PDE4B: variants seen among roughly 807,000 people sequenced by gnomAD.
PDE4B encodes the protein 3',5'-cyclic-AMP phosphodiesterase 4B.
In PDE4B, 20 loss-of-function variants were observed where a neutral mutation model predicts 82.2. The observed-to-expected ratio is 0.24, with a 90% CI of 0.17 to 0.35. The LOEUF (loss-of-function observed/expected upper bound fraction) is 0.35, where lower values mean the gene tolerates loss of function less well. Ranked by LOEUF, PDE4B falls within the 10% of genes least tolerant of loss-of-function variation. The probability of loss-of-function intolerance (pLI) is 1.00; values close to 1 mark genes in which losing one functional copy is unlikely to be tolerated. For synonymous variants in PDE4B, 320 were observed against 318.9 expected, an observed-to-expected ratio of 1.00 and a Z score of -0.04; for missense variants, 655 against 907.2, an observed-to-expected ratio of 0.72 and a Z score of 3.57.
At chr1:65,885,785 C>G (rs1426495510) in intron 1 of PDE4B, among the ~76,000 whole-genome samples, 1 of 151,520 alleles carries the variant, frequency 6.6e-6, no homozygotes. Context: ...GGGTGCAGCA[C>G]ACCAACATGG....
intron 1 of PDE4B, among the ~76,000 whole-genome samples, chr1:65,817,777 TATA>T (rs1645903657): frequency 1.3e-5 from 2 of 152,190 alleles, no homozygotes; most frequent in Admixed American, 1.3e-4. Context: ...AACAATTATG[TATA>T]ATAATTTATA....
At chr1:66,180,846 T>C (rs1275858070) in intron 3 of PDE4B, among the ~76,000 whole-genome samples, 3 of 152,194 alleles carry the variant, frequency 2.0e-5, no homozygotes, top group African/African-American at 7.2e-5. Context: ...AGAGAATGTG[T>C]GTATGTGTGT....
chr1:65,952,791 A>G (rs114963353), intron 3 of PDE4B, among the ~76,000 whole-genome samples: 1 of 152,188 alleles, frequency 6.6e-6, no homozygotes, highest in Non-Finnish European at 1.5e-5. Flanking sequence ...AAGGCTCTGC[A>G]TCTGTTAAAT....
chr1:66,009,406 C>T (rs553773679), intron 3 of PDE4B, among the ~76,000 whole-genome samples: 1 of 152,238 alleles, frequency 6.6e-6, no homozygotes, highest in East Asian at 1.9e-4. Flanking sequence ...CAATTAATTC[C>T]TCTTGTAGCT....
intron 3 of PDE4B, among the ~76,000 whole-genome samples, chr1:66,239,376 A>G (rs999065275): frequency 1.3e-5 from 2 of 152,166 alleles, no homozygotes; most frequent in Non-Finnish European, 2.9e-5. Context: ...AATCTCTTTT[A>G]GAGAACTTTT....
At chr1:66,064,636 T>C (rs965344252) in intron 3 of PDE4B, among the ~76,000 whole-genome samples, 11 of 151,910 alleles carry the variant, frequency 7.2e-5, no homozygotes, top group African/African-American at 2.7e-4. Flanking sequence ...TCAGGGCTGT[T>C]TTCCTGGACT....
intron 1 of PDE4B, among the ~76,000 whole-genome samples, chr1:65,826,014 C>T (rs570630914): frequency 9.9e-5 from 15 of 152,226 alleles, no homozygotes; most frequent in East Asian, 3.9e-4. Context: ...CTGTATTCAA[C>T]GACATGGAAG....
chr1:66,272,725 A>C (rs1655591193), intron 7 of PDE4B, among the ~76,000 whole-genome samples: 1 of 120,508 alleles, frequency 8.3e-6, no homozygotes, highest in African/African-American at 3.1e-5. Flanking sequence ...ACTTGTTATT[A>C]TTGTCCTCAT....
At chr1:66,016,572 C>T (rs1278043208) in intron 3 of PDE4B, among the ~76,000 whole-genome samples, 2 of 152,116 alleles carry the variant, frequency 1.3e-5, no homozygotes, top group African/African-American at 2.4e-5. Context: ...AATTGTCAAC[C>T]ATGATATCAA....
chr1:66,237,849 A>G lies in PDE4B; in HGVS notation c.282-9611A>G, dbSNP rs114641600. Among the ~76,000 whole-genome samples the G allele has an allele frequency of 3.8e-3, 579 of 152,338 alleles. 1 individual carries two copies. Among genetic ancestry groups the G allele is most frequent in the African/African-American group, 0.013 (528 of 41,574 alleles). On this transcript the variant is annotated intron_variant, in intron 3 of 16. Coordinates refer to ENST00000341517, the MANE Select transcript of PDE4B (RefSeq NM_002600.4). The stretch of plus-strand genomic sequence containing the variant: ...TAATCTATTGAGCAGACATTTGTTC[A>G]TAACCTGCAGTATGTCCCAGGAAAG...
At chr1:66,316,232 G>A (rs1042246567) in intron 7 of PDE4B, among the ~76,000 whole-genome samples, 1 of 152,178 alleles carries the variant, frequency 6.6e-6, no homozygotes, top group Non-Finnish European at 1.5e-5. Context: ...ACTTTGTAGT[G>A]TAATCTCTTC....
chr1:66,290,586 A>G (rs1174551628), intron 7 of PDE4B, among the ~76,000 whole-genome samples: 1 of 152,220 alleles, frequency 6.6e-6, no homozygotes, highest in East Asian at 1.9e-4. Flanking sequence ...ATGAATATAA[A>G]GTGAATCTAA....
intron 3 of PDE4B, among the ~76,000 whole-genome samples, chr1:66,213,097 C>T (rs1650192787): frequency 6.6e-6 from 1 of 152,026 alleles, no homozygotes. Flanking sequence ...TCTCCAGAGA[C>T]TCTATGATTA....
chr1:66,232,491 A>G (rs1484820656), intron 3 of PDE4B, among the ~76,000 whole-genome samples: 1 of 152,216 alleles, frequency 6.6e-6, no homozygotes, highest in Non-Finnish European at 1.5e-5. Flanking sequence ...GGATTGGTAA[A>G]TAGATAGTAT....
intron 3 of PDE4B, among the ~76,000 whole-genome samples, chr1:65,938,195 G>A (rs1648258512): frequency 6.6e-6 from 1 of 152,024 alleles, no homozygotes; most frequent in South Asian, 2.1e-4. Context: ...GTGCCCATGG[G>A]GAAGTTCAAA....
At chr1:65,897,787 A>G (rs931040154) in intron 1 of PDE4B, among the ~76,000 whole-genome samples, 3 of 152,088 alleles carry the variant, frequency 2.0e-5, no homozygotes, top group East Asian at 3.9e-4. Context: ...TAATGCTATG[A>G]TTAAAATATG....
Position 66,062,582 on chromosome 1 carries a change from T to C in PDE4B, c.281+143747T>C, listed in dbSNP as rs111257490. 9.9e-3 allele frequency among the ~76,000 whole-genome samples: 1,501 copies of C among 152,174 alleles called. 27 individuals carry two copies. The highest frequency in any genetic ancestry group is 0.034 in the African/African-American group (1,423 of 41,554). On this transcript the variant is annotated intron_variant, in intron 3 of 16. Transcript: ENST00000341517. ...AGATTATAGTGAAACTGGTGGCATT[T>C]GGAAGCCCTAAAAGTTCAGCTATGA... is the stretch of plus-strand genomic sequence containing the variant.
chr1:66,026,088 G>C (rs950352944), intron 3 of PDE4B, among the ~76,000 whole-genome samples: 4 of 152,068 alleles, frequency 2.6e-5, no homozygotes, highest in African/African-American at 9.7e-5. Flanking sequence ...TGCAACATTT[G>C]GGCAATATTG....
At chr1:65,999,560 G>A (rs930428412) in intron 3 of PDE4B, among the ~76,000 whole-genome samples, 1 of 152,058 alleles carries the variant, frequency 6.6e-6, no homozygotes, top group Non-Finnish European at 1.5e-5. Context: ...ATCACTATCC[G>A]GAGAGGCCTT....
Sources: allele counts gnomAD v4.1 joint callset (sites outside exome capture counted in the v4.1 genomes callset), GRCh38; gene constraint gnomAD v4.1.1; transcripts MANE v1.5; gene names NCBI Gene and HGNC (gene_info 2026-07-23, HGNC 2026-07-21).